Variants in ZC3HAV1 observed in about 807,000 individuals in gnomAD.
The protein encoded by ZC3HAV1 is zinc finger CCCH-type antiviral protein 1.
In ZC3HAV1, 41 loss-of-function variants were observed where a neutral mutation model predicts 86.6. The ratio of observed to expected loss-of-function variants is 0.47; its 90% CI spans 0.37 to 0.61. The LOEUF (loss-of-function observed/expected upper bound fraction) is 0.61, where lower values mean the gene tolerates loss of function less well. ZC3HAV1 is among the 20% of genes least tolerant of loss of function. ZC3HAV1 has a pLI of 0.00. For synonymous variants in ZC3HAV1, 421 were observed against 432.1 expected (o/e 0.97, Z 0.32); for missense variants, 964 against 1,141.1 (o/e 0.84, Z 2.24).
chr7:139,060,139 T>C (rs1223615108), intron 9 of ZC3HAV1, among the ~76,000 whole-genome samples: 1 of 152,228 alleles, frequency 6.6e-6, no homozygotes, highest in East Asian at 1.9e-4. Context: ...TAGCTCAGTT[T>C]CCATTCTTAG....
chr7:139,100,076 C>A (rs1249885342), intron 1 of ZC3HAV1, among the ~76,000 whole-genome samples: 1 of 150,390 alleles, frequency 6.6e-6, no homozygotes, highest in Non-Finnish European at 1.5e-5. Context: ...TGGTAAAAAA[C>A]AAACAAACAA....
intron 11 of ZC3HAV1, 74 bp from the exon 12 acceptor site, chr7:139,053,655 A>G (rs898484731): frequency 2.7e-6 from 4 of 1,486,914 alleles, no homozygotes; most frequent in Non-Finnish European, 3.6e-6. Flanking sequence ...AATCCCAGCT[A>G]AAGTCTAATC....
chr7:139,069,756 T>C (rs1243630546), intron 7 of ZC3HAV1, among the ~76,000 whole-genome samples: 1 of 152,228 alleles, frequency 6.6e-6, no homozygotes, highest in Non-Finnish European at 1.5e-5. Context: ...CATATGTGCC[T>C]ACTCTGTTGG....
intron 1 of ZC3HAV1, among the ~76,000 whole-genome samples, chr7:139,090,906 G>A (rs146709471): frequency 0.011 from 1,630 of 152,188 alleles, 31 homozygotes; most frequent in African/African-American, 0.037. Flanking sequence ...TTGAAACCCG[G>A]CCAGCCATCC....
At chr7:139,066,409 A>C (rs1015260575) in intron 7 of ZC3HAV1, among the ~76,000 whole-genome samples, 7 of 152,198 alleles carry the variant, frequency 4.6e-5, no homozygotes, top group African/African-American at 1.7e-4. Context: ...GGAGTGCAGC[A>C]TGGTGGGAGC....
intron 8 of ZC3HAV1, among the ~76,000 whole-genome samples, chr7:139,063,065 AAAAAG>A (rs965806771): frequency 6.6e-6 from 1 of 150,920 alleles, no homozygotes; most frequent in African/African-American, 2.4e-5. Context: ...AGAAAGAAAG[AAAAAG>A]AAAAGAAAAG....
At position 139,096,379 on chromosome 7, in the gene ZC3HAV1, C is replaced by T. The variant is rs560373227; in HGVS notation, c.309-6620G>A. Among the ~76,000 whole-genome samples the T allele has an allele frequency of 5.2e-3, 794 of 152,260 alleles. 4 individuals are homozygous for T. The highest frequency in any genetic ancestry group is 8.2e-3 in the Admixed American group (126 of 15,294). ...CCCCTCTCCTCTCACAGGCTGGCTT[C>T]TCCCCACCACCCGCCACAATACTTC... On this transcript the variant is annotated intron_variant, in intron 1 of 12. Coordinates refer to ENST00000242351, the MANE Select transcript of ZC3HAV1 (RefSeq NM_020119.4).
intron 1 of ZC3HAV1, among the ~76,000 whole-genome samples, chr7:139,098,589 C>A (rs949418967): frequency 6.6e-6 from 1 of 152,178 alleles, no homozygotes; most frequent in Non-Finnish European, 1.5e-5. Context: ...GTGGCTTGAG[C>A]TCGGGAGTTT....
At chr7:139,058,190 A>AT (rs571857975) in intron 9 of ZC3HAV1, among the ~76,000 whole-genome samples, 19 of 126,806 alleles carry the variant, frequency 1.5e-4, no homozygotes, top group Admixed American at 1.3e-3. Context: ...TTTCTAATTT[A>AT]TTTTTTTTAT....
At chr7:139,106,410 C>G (rs1048337754) in intron 1 of ZC3HAV1, among the ~76,000 whole-genome samples, 11 of 152,112 alleles carry the variant, frequency 7.2e-5, no homozygotes, top group African/African-American at 9.7e-5. Context: ...CTCAGGAGTT[C>G]GAGACCGGCC....
chr7:139,079,115 C>G (rs768563986), intron 4 of ZC3HAV1: 1 of 1,536,018 alleles, frequency 6.5e-7, no homozygotes, highest in Admixed American at 2.0e-5. Flanking sequence ...CTGAGCAGAG[C>G]CTGTTGTCTT....
rs1817998596 is a variant in ZC3HAV1, at chr7:139,108,391, A to G, written c.308+633T>C. On this transcript the variant is annotated intron_variant, in intron 1 of 12. Transcript: ENST00000242351. The surrounding 1 kb of genome is among the most constrained non-coding windows in gnomAD (Gnocchi z 4.2). ...GGCGGTCAACTGCGCGCGCCACCGT[A>G]GAGAGACCACCCGGAGGGAAGGCCC... 3.9e-5 allele frequency among the ~76,000 whole-genome samples: 6 copies of G among 152,210 alleles called. No individual in the cohort carries two copies. The South Asian group carries it at 1.2e-3, about 32-fold the overall frequency.
intron 9 of ZC3HAV1, chr7:139,060,766 C>T (rs1816420095): frequency 8.5e-6 from 11 of 1,296,904 alleles, no homozygotes; most frequent in South Asian, 3.0e-5. Flanking sequence ...CAGCTCTTCA[C>T]AGCTGGAGAA....
At chr7:139,095,556 G>A (rs570833835) in intron 1 of ZC3HAV1, among the ~76,000 whole-genome samples, 5 of 152,354 alleles carry the variant, frequency 3.3e-5, no homozygotes, top group East Asian at 3.9e-4. Flanking sequence ...AGCCTGCACC[G>A]AGGAGGAAGA....
chr7:139,094,690 C>T (rs1279102739), intron 1 of ZC3HAV1, among the ~76,000 whole-genome samples: 1 of 152,180 alleles, frequency 6.6e-6, no homozygotes, highest in Non-Finnish European at 1.5e-5. Context: ...AACTAGCCTG[C>T]ACAGTGATTC....
intron 7 of ZC3HAV1, among the ~76,000 whole-genome samples, chr7:139,067,492 G>A (rs1816638902): frequency 6.6e-6 from 1 of 151,938 alleles, no homozygotes; most frequent in South Asian, 2.1e-4. Context: ...CAGTATTTTG[G>A]CTGGACCTGA....
intron 1 of ZC3HAV1, among the ~76,000 whole-genome samples, chr7:139,098,218 C>G (rs527827214): frequency 6.6e-5 from 10 of 152,222 alleles, no homozygotes; most frequent in African/African-American, 2.4e-4. Flanking sequence ...AGGATTACAG[C>G]ATGAGCCATG....
intron 7 of ZC3HAV1, among the ~76,000 whole-genome samples, chr7:139,066,193 T>C (rs1472330445): frequency 1.3e-5 from 2 of 152,080 alleles, no homozygotes; most frequent in African/African-American, 2.4e-5. Flanking sequence ...AAGGAGTTAA[T>C]GGCAACAAAT....
intron 9 of ZC3HAV1, among the ~76,000 whole-genome samples, chr7:139,058,452 C>CG (rs1253669044): frequency 7.5e-6 from 1 of 133,068 alleles, no homozygotes; most frequent in Non-Finnish European, 1.5e-5. Flanking sequence ...CCCCCCCCCC[C>CG]CCACAAAAAA....
Sources: gnomAD v4.1 joint callset for allele counts (sites outside exome capture counted in the v4.1 genomes callset) on GRCh38, gnomAD v4.1.1 for gene constraint, Gnocchi (gnomAD v3.1) non-coding constraint, MANE v1.5 for transcripts, NCBI Gene and HGNC (gene_info 2026-07-23, HGNC 2026-07-21) for gene names.